The following DPY19L1 variants were observed in gnomAD, a reference collection of about 807,000 sequenced individuals.
DPY19L1 encodes the protein dpy-19 like C-mannosyltransferase 1.
DPY19L1 carries 35 observed loss-of-function variants against 96.9 expected under a neutral mutation model. The ratio of observed to expected loss-of-function variants is 0.36; its 90% CI spans 0.28 to 0.48. DPY19L1 has a LOEUF of 0.48. Ranked by LOEUF, DPY19L1 falls within the 20% of genes least tolerant of loss-of-function variation. The pLI is 0.99. For missense variants in DPY19L1, 521 were observed against 777.9 expected, an observed-to-expected ratio of 0.67 and a Z score of 3.93; for synonymous variants, 205 against 252.6, an observed-to-expected ratio of 0.81 and a Z score of 1.79.
intron 16 of DPY19L1, 73 bp from the exon 17 acceptor site, chr7:34,942,712 T>G (rs1457222778): frequency 3.1e-6 from 4 of 1,297,478 alleles, no homozygotes; most frequent in Non-Finnish European, 3.3e-6. Context: ...CATTTTCATC[T>G]TGCAAACAGG....
At chr7:35,014,103 T>C (rs1465835375) in intron 3 of DPY19L1, among the ~76,000 whole-genome samples, 1 of 152,118 alleles carries the variant, frequency 6.6e-6, no homozygotes, top group East Asian at 1.9e-4. Context: ...AATACTCCTC[T>C]AACTGCTTAT....
Position 34,929,059 on chromosome 7 carries a change from G to A in DPY19L1, c.*2514C>T, listed in dbSNP as rs1783695204. The A allele has an allele frequency of 6.6e-6, 1 of 151,880 alleles. No homozygotes were observed. The highest frequency in any genetic ancestry group is 1.5e-5 in the Non-Finnish European group (1 of 67,980). 9.4% of individuals were successfully genotyped at this position (151,880 alleles called of 1,614,324 possible). A position where few individuals can be genotyped will look rare whatever the true frequency, so the allele number is the denominator to read the frequency against. On this transcript the variant is annotated 3_prime_UTR_variant, in exon 22 of 22. Coordinates refer to ENST00000638088, the MANE Select transcript of DPY19L1 (RefSeq NM_001366673.1). ...ATATTTTTTTTGCCAAGCATTTTTAGAGGCTTATCTTTTTAAAGAAATACA... is the reference window on the plus strand; with the variant it reads ...ATATTTTTTTTGCCAAGCATTTTTAAAGGCTTATCTTTTTAAAGAAATACA...
Position 35,017,930 on chromosome 7 carries a change from A to G in DPY19L1, c.363T>C (p.Phe121=), listed in dbSNP as rs530132538. The G allele has an allele frequency of 6.2e-7, 1 of 1,606,314 alleles. No homozygotes were observed. Among genetic ancestry groups the G allele is most frequent in the Admixed American group, 1.7e-5 (1 of 58,846 alleles). ...CCCTTTCCAATGTTGAGAGGTGAGA[A>G]AAATGACGGTCATTTTCAAAGAGGT... The part of the protein sequence containing the change: ...ITHLFENDRH[F]SHLSTLEREM... The change falls in exon 3 of 22, where the codon TTT becomes TTC. Residue 121 remains phenylalanine (F), a synonymous_variant. Transcript: ENST00000638088.
intron 19 of DPY19L1, 75 bp downstream of exon 19, chr7:34,940,078 G>A: frequency 1.5e-6 from 2 of 1,318,704 alleles, no homozygotes; most frequent in Non-Finnish European, 2.0e-6. Context: ...GGGTTTAAGA[G>A]TTTGCAGTGG....
chr7:34,991,357 C>T (rs1785164449), intron 6 of DPY19L1, among the ~76,000 whole-genome samples: 1 of 152,062 alleles, frequency 6.6e-6, no homozygotes, highest in South Asian at 2.1e-4. Flanking sequence ...GCCTAGACAG[C>T]ACAAATGAAA....
chr7:34,966,532 A>AC (rs35193167), intron 10 of DPY19L1, among the ~76,000 whole-genome samples: 11 of 152,060 alleles, frequency 7.2e-5, no homozygotes, highest in African/African-American at 2.7e-4. Context: ...CGTCAAGTGA[A>AC]CCCCACCTTG....
intron 1 of DPY19L1, among the ~76,000 whole-genome samples, chr7:35,030,298 T>C (rs1442498719): frequency 6.6e-6 from 1 of 152,168 alleles, no homozygotes; most frequent in African/African-American, 2.4e-5. Flanking sequence ...ATTAAAAATA[T>C]TAATAAAGCC....
At position 34,930,034 on chromosome 7, in the gene DPY19L1, A is replaced by C. The variant is rs1783720061; in HGVS notation, c.*1539T>G. On this transcript the variant is annotated 3_prime_UTR_variant, in exon 22 of 22. Coordinates refer to ENST00000638088, the MANE Select transcript of DPY19L1 (RefSeq NM_001366673.1). ...AGCAAGCTGCTGCTTCCCCGGGACC[A>C]GGCCTGCCCTTGGGCTCTGGTAAGA... The C allele has an allele frequency of 1.3e-5, 2 of 152,404 alleles. No individual in the cohort carries two copies. The highest frequency in any genetic ancestry group is 4.1e-4 in the South Asian group (2 of 4,832). The allele number at this position is 152,404 out of a possible 1,614,324, so 9.4% of individuals were successfully genotyped here. A position where few individuals can be genotyped will look rare whatever the true frequency, so the allele number is the denominator to read the frequency against.
intron 6 of DPY19L1, among the ~76,000 whole-genome samples, chr7:35,003,383 C>T (rs1489707350): frequency 6.6e-6 from 1 of 152,154 alleles, no homozygotes; most frequent in Non-Finnish European, 1.5e-5. Flanking sequence ...CTGACTCATG[C>T]CCAAAATCTC....
At chr7:35,037,733 A>T (rs1282082015), upstream of DPY19L1, 3 of 869,968 alleles carry the variant, frequency 3.4e-6, no homozygotes, top group East Asian at 2.5e-4. Flanking sequence ...TCTGCGCCGG[A>T]CGCGCGCTCC....
intron 1 of DPY19L1, among the ~76,000 whole-genome samples, chr7:35,022,614 A>G (rs879442312): frequency 6.6e-6 from 1 of 152,254 alleles, no homozygotes; most frequent in African/African-American, 2.4e-5. Flanking sequence ...GGGTAGAAAC[A>G]ACATTTACCA....
intron 1 of DPY19L1, among the ~76,000 whole-genome samples, chr7:35,034,359 T>G (rs1435627617): frequency 6.6e-6 from 1 of 152,150 alleles, no homozygotes; most frequent in Non-Finnish European, 1.5e-5. Flanking sequence ...GTGAACAGGT[T>G]TAATATAAAA....
intron 7 of DPY19L1, among the ~76,000 whole-genome samples, chr7:34,978,914 G>A (rs1425980647): frequency 6.6e-6 from 1 of 152,070 alleles, no homozygotes; most frequent in African/African-American, 2.4e-5. Context: ...ATTATGCACA[G>A]CCTGTACTGA....
upstream of DPY19L1, chr7:35,037,962 C>T (rs1786490593): frequency 2.5e-6 from 3 of 1,177,262 alleles, no homozygotes; most frequent in Non-Finnish European, 3.2e-6. Flanking sequence ...AGTTTCGGAG[C>T]CTGTTAAGGC....
intron 7 of DPY19L1, among the ~76,000 whole-genome samples, chr7:34,975,216 G>A (rs1390975735): frequency 6.6e-6 from 1 of 152,170 alleles, no homozygotes; most frequent in Non-Finnish European, 1.5e-5. Context: ...GCCGAGAGAG[G>A]CCAAAAGCTA....
At chr7:34,994,339 A>G (rs942396576) in intron 6 of DPY19L1, among the ~76,000 whole-genome samples, 1 of 152,190 alleles carries the variant, frequency 6.6e-6, no homozygotes, top group Non-Finnish European at 1.5e-5. Flanking sequence ...ATTAGAATCT[A>G]AAACAACCTA....
intron 10 of DPY19L1, among the ~76,000 whole-genome samples, chr7:34,961,947 C>T (rs1584220946): frequency 6.6e-6 from 1 of 152,214 alleles, no homozygotes; most frequent in Non-Finnish European, 1.5e-5. Flanking sequence ...AGTGACACCA[C>T]CAAATGCTGA....
At chr7:35,002,362 A>G (rs1368633786) in intron 6 of DPY19L1, among the ~76,000 whole-genome samples, 1 of 152,102 alleles carries the variant, frequency 6.6e-6, no homozygotes, top group Admixed American at 6.5e-5. Flanking sequence ...AACTCAGTAG[A>G]AGGTTGGAAA....
intron 1 of DPY19L1, among the ~76,000 whole-genome samples, chr7:35,034,312 A>G (rs1282598433): frequency 2.6e-5 from 4 of 152,168 alleles, no homozygotes. Context: ...AGACATATAG[A>G]CTTATGCATA....
Sources: allele counts gnomAD v4.1 joint callset (sites outside exome capture counted in the v4.1 genomes callset), GRCh38; gene constraint gnomAD v4.1.1; transcripts MANE v1.5; gene names NCBI Gene and HGNC (gene_info 2026-07-23, HGNC 2026-07-21).